Variants in NTN1 observed in about 807,000 individuals in gnomAD.
NTN1 encodes netrin-1.
NTN1 carries 11 observed loss-of-function variants against 54.2 expected under a neutral mutation model. The observed-to-expected ratio is 0.20, with a 90% CI of 0.13 to 0.34. The LOEUF (loss-of-function observed/expected upper bound fraction) is 0.34. Among genes scored for constraint, NTN1 ranks in the 10% least tolerant of loss-of-function variants. NTN1 has a pLI of 1.00. For synonymous variants in NTN1, 371 were observed against 382.0 expected (o/e 0.97, Z 0.33); for missense variants, 740 against 893.1 (o/e 0.83, Z 2.18).
chr17:9,230,758 A>G (rs909632463), intron 6 of NTN1, among the ~76,000 whole-genome samples: 1 of 152,040 alleles, frequency 6.6e-6, no homozygotes, highest in African/African-American at 2.4e-5. Context: ...GGGCCCCAGA[A>G]GGGCCCTCCC....
At chr17:9,098,310 A>AG (rs1253313874) in intron 2 of NTN1, among the ~76,000 whole-genome samples, 1 of 152,194 alleles carries the variant, frequency 6.6e-6, no homozygotes, top group African/African-American at 2.4e-5. Context: ...CTGGCAGTGC[A>AG]GGGTCTCCAG....
chr17:9,215,087 ATAGCTCT>A (rs1425263042), intron 5 of NTN1, among the ~76,000 whole-genome samples: 1 of 152,198 alleles, frequency 6.6e-6, no homozygotes, highest in Non-Finnish European at 1.5e-5. Flanking sequence ...AGTTGATCTA[ATAGCTCT>A]TACTTGTCAG....
chr17:9,164,560 C>T (rs2092368592), intron 3 of NTN1, among the ~76,000 whole-genome samples: 1 of 152,108 alleles, frequency 6.6e-6, no homozygotes, highest in African/African-American at 2.4e-5. Context: ...CCCTTCTGAG[C>T]ACGGGGCCCA....
At chr17:9,197,458 A>T (rs1275673794) in intron 5 of NTN1, among the ~76,000 whole-genome samples, 2 of 152,116 alleles carry the variant, frequency 1.3e-5, no homozygotes, top group Non-Finnish European at 2.9e-5. Context: ...CAGGAGTTCG[A>T]GACCAGCCTG....
At chr17:9,046,654 G>C (rs1016650404) in intron 2 of NTN1, among the ~76,000 whole-genome samples, 2 of 152,086 alleles carry the variant, frequency 1.3e-5, no homozygotes, top group Admixed American at 1.3e-4. Flanking sequence ...GGGCACGGTG[G>C]TATGTGCTTG....
intron 3 of NTN1, among the ~76,000 whole-genome samples, chr17:9,173,051 C>T (rs1339868741): frequency 6.6e-6 from 1 of 152,064 alleles, no homozygotes; most frequent in Non-Finnish European, 1.5e-5. Context: ...GACACTGCGT[C>T]TTTGGGCCTC....
chr17:9,201,933 ATCCTAGCAC>A (rs1904795677), intron 5 of NTN1, among the ~76,000 whole-genome samples: 1 of 150,942 alleles, frequency 6.6e-6, no homozygotes, highest in East Asian at 1.9e-4. Flanking sequence ...CACGCTTGTA[ATCCTAGCAC>A]TTTGGGAGGC....
At chr17:9,051,092 A>C (rs2091959177) in intron 2 of NTN1, among the ~76,000 whole-genome samples, 1 of 152,196 alleles carries the variant, frequency 6.6e-6, no homozygotes, top group South Asian at 2.1e-4. Context: ...TCTGGCAGGC[A>C]GAGGACACCC....
chr17:9,051,031 G>T (rs1179492739), intron 2 of NTN1, among the ~76,000 whole-genome samples: 2 of 152,156 alleles, frequency 1.3e-5, no homozygotes, highest in African/African-American at 4.8e-5. Flanking sequence ...CTGAGAAAAG[G>T]TGTGTCCTGG....
chr17:9,233,938 A>C (rs1905896278), intron 6 of NTN1, among the ~76,000 whole-genome samples: 1 of 152,144 alleles, frequency 6.6e-6, no homozygotes, highest in South Asian at 2.1e-4. Flanking sequence ...TCCTTGCCCA[A>C]GGGAAGTGCT....
intron 6 of NTN1, among the ~76,000 whole-genome samples, chr17:9,225,292 C>G (rs1168873964): frequency 6.6e-6 from 1 of 152,020 alleles, no homozygotes; most frequent in Non-Finnish European, 1.5e-5. Context: ...GAGTCCTCCC[C>G]ACCCTCAGCT....
At chr17:9,016,309 T>G in the NTN1 span, among the ~76,000 whole-genome samples, 1 of 152,000 alleles carries the variant, frequency 6.6e-6, no homozygotes, top group African/African-American at 2.4e-5. Flanking sequence ...ACCGTGGCCG[T>G]CTCGTCTCTA....
chr17:9,215,027 T>G (rs894101132), intron 5 of NTN1, among the ~76,000 whole-genome samples: 10 of 152,170 alleles, frequency 6.6e-5, no homozygotes, highest in Non-Finnish European at 1.5e-4. Flanking sequence ...ATAATTTATA[T>G]CGTTTTTCTC....
intron 2 of NTN1, among the ~76,000 whole-genome samples, chr17:9,023,722 T>C (rs988445535): frequency 7.9e-5 from 12 of 152,296 alleles, no homozygotes; most frequent in African/African-American, 2.6e-4. Context: ...CCTCGTTGGG[T>C]TGGACGCTGG....
intron 2 of NTN1, among the ~76,000 whole-genome samples, chr17:9,129,026 C>T (rs1041156788): frequency 1.3e-5 from 2 of 152,190 alleles, no homozygotes; most frequent in Non-Finnish European, 2.9e-5. Context: ...AGCACTGGGG[C>T]TTGGCTCTGT....
At chr17:9,076,429 G>C (rs887625326) in intron 2 of NTN1, among the ~76,000 whole-genome samples, 1 of 152,212 alleles carries the variant, frequency 6.6e-6, no homozygotes, top group Non-Finnish European at 1.5e-5. Flanking sequence ...CTGGAGTGCA[G>C]TGGTGCAATC....
At position 9,022,599 on chromosome 17, in the gene NTN1, C is replaced by A; in HGVS notation, c.226C>A (p.Arg76Ser). The A allele has an allele frequency of 6.5e-7, 1 of 1,547,012 alleles. No homozygotes were observed. Among genetic ancestry groups the A allele is most frequent in the South Asian group, 1.2e-5 (1 of 84,290 alleles). The change falls in exon 2 of 7, where the codon CGC becomes AGC. Residue 76 changes from arginine (R) to serine (S), a missense_variant. Transcript: ENST00000173229. Reference sequence around the variant, plus strand: ...CAGCACCTGCGGCCGGCCCCCGGCGCGCTACTGCGTGGTGAGCGAGCGCGG... The same window carrying A: ...CAGCACCTGCGGCCGGCCCCCGGCGAGCTACTGCGTGGTGAGCGAGCGCGG... ...VSSTCGRPPA[R>S]YCVVSERGEE...
At position 9,239,575 on chromosome 17, in the gene NTN1, C is replaced by T; in HGVS notation, c.1487-65C>T. ...GGGTCTCCTTTCCCTTCTCCCCAGG[C>T]TCAGGCAGGGCGGACCTAGCCACAG... On this transcript the variant is annotated intron_variant, in intron 6 of 6. Transcript: ENST00000173229. This position sits in a 1 kb window ranked among gnomAD's most constrained non-coding sequence, Gnocchi z 5.2. 6.6e-7 allele frequency: 1 copy of T among 1,521,444 alleles called. No homozygotes were observed. Among genetic ancestry groups the T allele is most frequent in the South Asian group, 1.2e-5 (1 of 83,088 alleles). 94.2% of individuals were successfully genotyped at this position (1,521,444 alleles called of 1,614,324 possible).
intron 2 of NTN1, among the ~76,000 whole-genome samples, chr17:9,101,110 T>G (rs907705534): frequency 5.9e-5 from 9 of 152,258 alleles, no homozygotes; most frequent in Admixed American, 4.6e-4. Flanking sequence ...ATTTGTGGTG[T>G]TTATCACATT....
Sources: allele counts gnomAD v4.1 joint callset (sites outside exome capture counted in the v4.1 genomes callset), GRCh38; gene constraint gnomAD v4.1.1; non-coding constraint Gnocchi (gnomAD v3.1); transcripts MANE v1.5; gene names NCBI Gene and HGNC (gene_info 2026-07-23, HGNC 2026-07-21).